Variants in WDHD1 observed in about 807,000 individuals in gnomAD.
WDHD1 encodes WD repeat and HMG-box DNA-binding protein 1.
WDHD1 carries 111 observed loss-of-function variants against 135.4 expected under a neutral mutation model. That is an observed-to-expected ratio of 0.82 (90% CI 0.70 to 0.96). The LOEUF (loss-of-function observed/expected upper bound fraction) is 0.96, where lower values mean the gene tolerates loss of function less well. Among genes scored for constraint, WDHD1 ranks in the 40% least tolerant of loss-of-function variants. The probability of loss-of-function intolerance (pLI) is 0.00; values close to 1 mark genes in which losing one functional copy is unlikely to be tolerated. For synonymous variants in WDHD1, 434 were observed against 439.0 expected (o/e 0.99, Z 0.14); for missense variants, 1,351 against 1,336.3 (o/e 1.01, Z -0.17).
intron 24 of WDHD1, among the ~76,000 whole-genome samples, chr14:54,948,996 T>A (rs2040986308): frequency 6.6e-6 from 1 of 151,958 alleles, no homozygotes; most frequent in Admixed American, 6.6e-5. Flanking sequence ...CAAAACCCCA[T>A]GTGTACGTCA....
chr14:54,979,320 T>C (rs1278226798), intron 16 of WDHD1, among the ~76,000 whole-genome samples: 2 of 152,110 alleles, frequency 1.3e-5, no homozygotes, highest in Non-Finnish European at 2.9e-5. Context: ...CCTGGGTAAT[T>C]AAAAAAATTT....
At chr14:54,982,088 G>C (rs915264392) in intron 15 of WDHD1, among the ~76,000 whole-genome samples, 40 of 151,882 alleles carry the variant, frequency 2.6e-4, no homozygotes, top group Admixed American at 6.6e-5. Context: ...CCCACTGCAA[G>C]CTCCGCCTTC....
chr14:55,013,552 T>G lies in WDHD1; in HGVS notation c.122A>C (p.Glu41Ala), dbSNP rs752945796. The change falls in exon 3 of 26, where the codon GAA (glutamate) becomes GCA (alanine). Residue 41 changes from glutamate to alanine, a missense_variant. Around this residue, in one of 2 missense-constraint regions of WDHD1, gnomAD observed 1,330 missense variants for 1,296.1 expected, o/e 1.03. Coordinates refer to ENST00000360586, the MANE Select transcript of WDHD1 (RefSeq NM_007086.4). Reference sequence around the variant, plus strand: ...CTTAGGATCATCATCATCCAAGTCTTCCCAAATCCTCACATCACCATCACT... The same window carrying G: ...CTTAGGATCATCATCATCCAAGTCTGCCCAAATCCTCACATCACCATCACT... ...CGSDGDVRIW[E>A]DLDDDDPKFI... 33 of 1,613,972 alleles carry G rather than the reference T, an allele frequency of 2.0e-5. No individual in the cohort carries two copies. The highest frequency in any genetic ancestry group is 2.6e-5 in the Non-Finnish European group (31 of 1,180,012).
At position 54,989,032 on chromosome 14, in the gene WDHD1, C is replaced by G; in HGVS notation, c.1522G>C (p.Ala508Pro). The G allele has an allele frequency of 3.1e-6, 5 of 1,607,740 alleles. No homozygotes were observed. The highest frequency in any genetic ancestry group is 4.3e-6 in the Non-Finnish European group (5 of 1,176,094). ...TCCTAATAATCTTGAGTTTACCTTGCTAGTTCATCAGTGCTTTCACATGCC... is the reference window on the plus strand; with the variant it reads ...TCCTAATAATCTTGAGTTTACCTTGGTAGTTCATCAGTGCTTTCACATGCC... ...LLACESTDEL[A>P]SKLHCLHFSS... Residue 508 changes from alanine (A) to proline (P), a missense_variant, in exon 13 of 26, where the codon GCA becomes CCA. By Grantham distance (27) the Ala-to-Pro change is conservative. Around this residue, in one of 2 missense-constraint regions of WDHD1, gnomAD observed 1,330 missense variants for 1,296.1 expected, o/e 1.03. Coordinates refer to ENST00000360586, the MANE Select transcript of WDHD1 (RefSeq NM_007086.4).
chr14:54,990,777 G>A (rs1355096171), intron 12 of WDHD1, among the ~76,000 whole-genome samples: 2 of 152,096 alleles, frequency 1.3e-5, no homozygotes, highest in Admixed American at 1.3e-4. Context: ...GTGGTGGAGT[G>A]AGGAAAAGGG....
At chr14:54,977,420 C>T (rs2041542718) in intron 16 of WDHD1, among the ~76,000 whole-genome samples, 1 of 152,124 alleles carries the variant, frequency 6.6e-6, no homozygotes, top group Non-Finnish European at 1.5e-5. Flanking sequence ...TTCAGGTCTA[C>T]AGAAGCTTAT....
At position 54,940,854 on chromosome 14, in the gene WDHD1, G is replaced by T. The variant is rs907332276; in HGVS notation, c.*636C>A. 6.6e-6 allele frequency: 1 copy of T among 152,060 alleles called. No homozygotes were observed. Among genetic ancestry groups the T allele is most frequent in the South Asian group, 2.1e-4 (1 of 4,822 alleles). The allele number at this position is 152,060 out of a possible 1,614,324, so 9.4% of individuals were successfully genotyped here. On this transcript the variant is annotated 3_prime_UTR_variant, in exon 26 of 26. Transcript: ENST00000360586. ...TATTTTCTAGAAATATATCCATTTC[G>T]TGGAAAGATAATATTAAGACCATAT...
Position 55,007,421 on chromosome 14 carries a change from C to T in WDHD1, c.505-46G>A, listed in dbSNP as rs78318278. On this transcript the variant is annotated intron_variant, in intron 6 of 25. Coordinates refer to ENST00000360586, the MANE Select transcript of WDHD1 (RefSeq NM_007086.4). ...ATTTCTTTCCTTTATGAAAATCCCC[C>T]CCAAAATATATGCAGAACTGAATAT... 5.3e-3 allele frequency: 7,244 copies of T among 1,372,728 alleles called. 397 individuals carry two copies. In the East Asian group the frequency reaches 0.12, roughly 22 times the overall value. 85.0% of individuals were successfully genotyped at this position (1,372,728 alleles called of 1,614,324 possible).
intron 25 of WDHD1, among the ~76,000 whole-genome samples, chr14:54,942,094 C>A (rs1044866451): frequency 2.0e-5 from 3 of 151,672 alleles, no homozygotes; most frequent in African/African-American, 7.2e-5. Flanking sequence ...ACTAAAAATA[C>A]AAAAAAATTA....
intron 16 of WDHD1, among the ~76,000 whole-genome samples, chr14:54,971,564 G>C (rs2041432617): frequency 6.6e-6 from 1 of 151,904 alleles, no homozygotes; most frequent in Non-Finnish European, 1.5e-5. Context: ...AAACACTGTT[G>C]AAAGAAACCA....
intron 14 of WDHD1, among the ~76,000 whole-genome samples, chr14:54,985,388 G>A (rs1243126787): frequency 6.6e-6 from 1 of 152,152 alleles, no homozygotes; most frequent in Non-Finnish European, 1.5e-5. Flanking sequence ...AGTGGATGGA[G>A]GGAACAGCTA....
In WDHD1 at chr14:55,005,795, G is replaced by A. The variant is rs1595114778; in HGVS notation, c.600+1485C>T. Reference sequence around the variant, plus strand: ...ATGGGCTTTAGAATCAGCTCAATTTGGTCCTCCTAGACATCTTATTGGTAC... The same window carrying A: ...ATGGGCTTTAGAATCAGCTCAATTTAGTCCTCCTAGACATCTTATTGGTAC... On this transcript the variant is annotated intron_variant, in intron 7 of 25. Transcript: ENST00000360586. 6.0e-5 allele frequency: 19 copies of A among 314,598 alleles called. No individual in the cohort carries two copies. The South Asian group carries it at 7.0e-4, about 12-fold the overall frequency. The allele number at this position is 314,598 out of a possible 1,614,324, so 19.5% of individuals were successfully genotyped here. A position where few individuals can be genotyped will look rare whatever the true frequency, so the allele number is the denominator to read the frequency against.
At position 54,941,263 on chromosome 14, in the gene WDHD1, T is replaced by C. The variant is rs917504107; in HGVS notation, c.*227A>G. 5 of 354,302 alleles carry C rather than the reference T, an allele frequency of 1.4e-5. No homozygotes were observed. Among genetic ancestry groups the C allele is most frequent in the Non-Finnish European group, 2.0e-5 (4 of 199,796 alleles). The allele number at this position is 354,302 out of a possible 1,614,324, so 21.9% of individuals were successfully genotyped here. A position where few individuals can be genotyped will look rare whatever the true frequency, so the allele number is the denominator to read the frequency against. ...ACTCAGTAATTACAATCACAATGCA[T>C]CTCTGAAAGGCCCTGCATTTGGAGG... is the stretch of plus-strand genomic sequence containing the variant. On this transcript the variant is annotated 3_prime_UTR_variant, in exon 26 of 26. Transcript: ENST00000360586.
chr14:55,019,305 A>AT (rs1481886353), intron 2 of WDHD1, among the ~76,000 whole-genome samples: 1 of 152,034 alleles, frequency 6.6e-6, no homozygotes, highest in Non-Finnish European at 1.5e-5. Flanking sequence ...AAATATTTTT[A>AT]TTTTTTTCTT....
chr14:54,993,619 A>C (rs2041827161), intron 11 of WDHD1, among the ~76,000 whole-genome samples: 2 of 152,212 alleles, frequency 1.3e-5, no homozygotes, highest in Non-Finnish European at 2.9e-5. Flanking sequence ...ATGTGAGGCC[A>C]AATTTTCTTT....
At position 54,981,663 on chromosome 14, in the gene WDHD1, A is replaced by T. The variant is rs1391356807; in HGVS notation, c.1940T>A (p.Val647Asp). ...ACCAAGTCCTCTGTTAAGCATTCGA[A>T]CAATTCCTTCTGAATCCACGTAACA... is the stretch of plus-strand genomic sequence containing the variant. Reference protein sequence around the residue: ...TPCYVDSEGIVRMLNRGLGNT... With the variant: ...TPCYVDSEGIDRMLNRGLGNT... The change falls in exon 16 of 26, where the codon GTT (valine) becomes GAT (aspartate). Residue 647 changes from valine to aspartate, a missense_variant. Around this residue, in one of 2 missense-constraint regions of WDHD1, gnomAD observed 1,330 missense variants for 1,296.1 expected, o/e 1.03. Transcript: ENST00000360586. The T allele has an allele frequency of 3.7e-6, 6 of 1,611,624 alleles. No homozygotes were observed.
In WDHD1 at chr14:54,981,701, A is replaced by T. The variant is rs751242780; in HGVS notation, c.1907-5T>A. The T allele has an allele frequency of 8.2e-6, 13 of 1,593,846 alleles. 1 individual carries two copies. The South Asian group carries it at 8.9e-5, about 11-fold the overall frequency. On this transcript the variant is annotated splice_polypyrimidine_tract_variant and splice_region_variant and intron_variant, in intron 15 of 25. Transcript: ENST00000360586. ...AATCCACGTAACAAGGGGTACCTAA[A>T]CACCAACAGAAAAATCACTTGGAGA... is the stretch of plus-strand genomic sequence containing the variant.
rs1387328697 is a variant in WDHD1, at chr14:55,002,986, T to C, written c.601-801A>G. ...TAAAGACAGAATCCTTCAAATATCT[T>C]GAAAAACAAGAAATGTATCTTCTTA... is the stretch of plus-strand genomic sequence containing the variant. On this transcript the variant is annotated intron_variant, in intron 7 of 25. Coordinates refer to ENST00000360586, the MANE Select transcript of WDHD1 (RefSeq NM_007086.4). Among the ~76,000 whole-genome samples, 3 of 152,066 alleles carry C rather than the reference T, an allele frequency of 2.0e-5. No individual in the cohort carries two copies. In the South Asian group the frequency reaches 6.2e-4, roughly 31 times the overall value.
At chr14:54,986,499 A>G (rs2041697057) in intron 14 of WDHD1, among the ~76,000 whole-genome samples, 1 of 152,098 alleles carries the variant, frequency 6.6e-6, no homozygotes, top group African/African-American at 2.4e-5. Context: ...CTATGAATCT[A>G]TTTCTTACTG....
Sources: allele counts gnomAD v4.1 joint callset (sites outside exome capture counted in the v4.1 genomes callset), GRCh38; gene constraint gnomAD v4.1.1; regional missense constraint gnomAD v4.1.1; transcripts MANE v1.5; gene names NCBI Gene and HGNC (gene_info 2026-07-23, HGNC 2026-07-21).